Variants in SHCBP1 observed in about 807,000 individuals in gnomAD.
The protein encoded by SHCBP1 is SHC SH2 domain-binding protein 1.
Under a neutral mutation model 75.1 loss-of-function variants are expected in SHCBP1, and 60 were observed. That is an observed-to-expected ratio of 0.80 (90% CI 0.65 to 0.99). The LOEUF is 0.99. Ranked by LOEUF, SHCBP1 falls within the 50% of genes least tolerant of loss-of-function variation. SHCBP1 has a pLI of 0.00. For synonymous variants in SHCBP1, 290 were observed against 293.2 expected (o/e 0.99, Z 0.11); for missense variants, 709 against 809.4 (o/e 0.88, Z 1.50).
At chr16:46,583,899 T>A (rs1312894670) in intron 11 of SHCBP1, 104 bp downstream of exon 11, 1 of 1,076,970 alleles carries the variant, frequency 9.3e-7, no homozygotes, top group Non-Finnish European at 1.4e-6. Context: ...ACACTGTTTA[T>A]GCTTTTCAAA....
chr16:46,593,241 A>G (rs1358181016), intron 10 of SHCBP1, among the ~76,000 whole-genome samples: 1 of 152,112 alleles, frequency 6.6e-6, no homozygotes, highest in East Asian at 1.9e-4. Context: ...AAACATTCCT[A>G]TAAGTGTGGT....
chr16:46,609,030 G>A (rs1380603307), intron 4 of SHCBP1, among the ~76,000 whole-genome samples: 1 of 152,120 alleles, frequency 6.6e-6, no homozygotes, highest in Non-Finnish European at 1.5e-5. Context: ...GGAATATACA[G>A]CCCAAAGCTC....
chr16:46,604,724 G>C (rs1270376879), intron 5 of SHCBP1, among the ~76,000 whole-genome samples: 1 of 152,026 alleles, frequency 6.6e-6, no homozygotes, highest in Non-Finnish European at 1.5e-5. Context: ...AAGCATTTGT[G>C]CTTTAGAAAC....
At chr16:46,586,654 A>C (rs1964958687) in intron 10 of SHCBP1, among the ~76,000 whole-genome samples, 1 of 152,206 alleles carries the variant, frequency 6.6e-6, no homozygotes, top group African/African-American at 2.4e-5. Context: ...ATCCACGCCA[A>C]CATACATCAT....
chr16:46,591,030 A>G (rs1290373963), intron 10 of SHCBP1, among the ~76,000 whole-genome samples: 6 of 152,236 alleles, frequency 3.9e-5, no homozygotes, highest in African/African-American at 9.6e-5. Flanking sequence ...ACATGGATGA[A>G]GCTGGAAACC....
chr16:46,608,227 C>G (rs770195009), intron 5 of SHCBP1, 70 bp downstream of exon 5: 9 of 1,040,322 alleles, frequency 8.7e-6, no homozygotes, highest in Non-Finnish European at 1.3e-5. Flanking sequence ...GTGTATCTCA[C>G]ACAGGCAAAA....
intron 9 of SHCBP1, among the ~76,000 whole-genome samples, chr16:46,597,774 T>C (rs1020025099): frequency 1.3e-5 from 2 of 152,240 alleles, no homozygotes; most frequent in African/African-American, 4.8e-5. Context: ...TGATCTTGTT[T>C]GATAGCACTT....
At chr16:46,618,430 T>C (rs780435891) in intron 1 of SHCBP1, 58 bp from the exon 2 acceptor site, 9 of 1,476,536 alleles carry the variant, frequency 6.1e-6, no homozygotes, top group Non-Finnish European at 7.2e-6. Flanking sequence ...TGCTTCTATT[T>C]TCATATCCTT....
chr16:46,594,877 AAC>A (rs1484021628), intron 10 of SHCBP1, among the ~76,000 whole-genome samples: 1 of 152,220 alleles, frequency 6.6e-6, no homozygotes, highest in Non-Finnish European at 1.5e-5. Flanking sequence ...CAAACCGTGG[AAC>A]AACCACACAT....
chr16:46,590,252 G>C (rs1383812544), intron 10 of SHCBP1, among the ~76,000 whole-genome samples: 6 of 152,048 alleles, frequency 3.9e-5, no homozygotes, highest in Non-Finnish European at 5.9e-5. Flanking sequence ...CAGGACATAC[G>C]CATGGCAGGA....
chr16:46,618,905 A>G (rs1381768036), intron 1 of SHCBP1, among the ~76,000 whole-genome samples: 1 of 152,188 alleles, frequency 6.6e-6, no homozygotes. Flanking sequence ...GATAATAATC[A>G]AGTATCTTAG....
Position 46,603,565 on chromosome 16 carries a change from G to A in SHCBP1, c.1187C>T (p.Ser396Phe). Residue 396 changes from serine to phenylalanine, a missense_variant, in exon 8 of 13, where the codon TCC becomes TTC. Coordinates refer to ENST00000303383, the MANE Select transcript of SHCBP1 (RefSeq NM_024745.5). ...TTCCAACTCAATGGAGTCAGCAATGGAGAAAGTGCCATGTACCACATAATG... is the reference window on the plus strand; with the variant it reads ...TTCCAACTCAATGGAGTCAGCAATGAAGAAAGTGCCATGTACCACATAATG... Reference protein sequence around the residue: ...PGHYVVHGTFSIADSIELEGY... With the variant: ...PGHYVVHGTFFIADSIELEGY... 1.2e-6 allele frequency: 2 copies of A among 1,614,144 alleles called. No individual in the cohort carries two copies. The highest frequency in any genetic ancestry group is 1.7e-5 in the Admixed American group (1 of 60,018).
intron 9 of SHCBP1, among the ~76,000 whole-genome samples, 156 bp downstream of exon 9, chr16:46,599,675 A>AG: frequency 7.1e-6 from 1 of 141,096 alleles, no homozygotes; most frequent in South Asian, 2.4e-4. Flanking sequence ...TTTGTAAAAA[A>AG]AAAAAAAAAA....
rs769546343 is a variant in SHCBP1 at position 46,618,260 on chromosome 16, T to G, written c.216A>C (p.Gln72His). ...GCTCATAGAACAAAAGTTGATTTGT[T>G]TGGAAAATTTCTGGGAAAAAGGTTT... Reference protein sequence around the residue: ...EGKTFFPEIFQTNQLLFYERF... With the variant: ...EGKTFFPEIFHTNQLLFYERF... The change falls in exon 2 of 13, where the codon CAA becomes CAC. Residue 72 changes from glutamine to histidine, a missense_variant. Gln to His is a conservative substitution (Grantham distance 24, BLOSUM62 0). Coordinates refer to ENST00000303383, the MANE Select transcript of SHCBP1 (RefSeq NM_024745.5). The G allele has an allele frequency of 1.2e-6, 2 of 1,613,650 alleles. No homozygotes were observed. The highest frequency in any genetic ancestry group is 1.7e-6 in the Non-Finnish European group (2 of 1,179,896).
chr16:46,579,709 T>G lies in SHCBP1; in HGVS notation c.*2020A>C, dbSNP rs1964842179. 1.3e-5 allele frequency among the ~76,000 whole-genome samples: 2 copies of G among 151,648 alleles called. No individual in the cohort carries two copies. The highest frequency in any genetic ancestry group is 1.3e-4 in the Admixed American group (2 of 15,220). ...CAGCACTTTGGGAGGCCAAGGTGGGTGGATCACTTGAGGTCAGGAGTTTGA... is the reference window on the plus strand; with the variant it reads ...CAGCACTTTGGGAGGCCAAGGTGGGGGGATCACTTGAGGTCAGGAGTTTGA... On this transcript the variant is annotated 3_prime_UTR_variant, in exon 13 of 13. Coordinates refer to ENST00000303383, the MANE Select transcript of SHCBP1 (RefSeq NM_024745.5).
intron 5 of SHCBP1, among the ~76,000 whole-genome samples, chr16:46,605,765 CT>C (rs1182797402): frequency 6.6e-6 from 1 of 151,524 alleles, no homozygotes; most frequent in African/African-American, 2.4e-5. Context: ...TAGTCATGCT[CT>C]AAATAAGATA....
chr16:46,586,768 T>C (rs1964960236), intron 10 of SHCBP1, among the ~76,000 whole-genome samples: 2 of 152,042 alleles, frequency 1.3e-5, no homozygotes, highest in South Asian at 4.1e-4. Context: ...TCAGAAACCA[T>C]GGACGTCAGA....
intron 10 of SHCBP1, 138 bp downstream of exon 10, chr16:46,595,414 C>T: frequency 2.7e-6 from 2 of 742,728 alleles, no homozygotes; most frequent in Non-Finnish European, 4.8e-6. Flanking sequence ...GACCCTTGCA[C>T]AGTTGAGTTT....
intron 3 of SHCBP1, among the ~76,000 whole-genome samples, chr16:46,617,231 G>A (rs1200955630): frequency 6.6e-6 from 1 of 152,032 alleles, no homozygotes; most frequent in African/African-American, 2.4e-5. Context: ...GCAGTGAGCC[G>A]AGATCGTCCC....
Sources: allele counts gnomAD v4.1 joint callset (sites outside exome capture counted in the v4.1 genomes callset), GRCh38; gene constraint gnomAD v4.1.1; transcripts MANE v1.5; gene names NCBI Gene and HGNC (gene_info 2026-07-23, HGNC 2026-07-21).